The following DLG2 variants were observed in gnomAD, a reference collection of about 807,000 sequenced individuals.
The protein encoded by DLG2 is discs large MAGUK scaffold protein 2.
A neutral mutation model predicts 132.5 loss-of-function variants in DLG2; 45 were observed. The ratio of observed to expected loss-of-function variants is 0.34; its 90% CI spans 0.27 to 0.44. The LOEUF (loss-of-function observed/expected upper bound fraction) is 0.44. DLG2 is among the 20% of genes least tolerant of loss of function. The pLI is 1.00. For missense variants in DLG2, 1,045 were observed against 1,196.9 expected (o/e 0.87, Z 1.87); for synonymous variants, 424 against 419.6 (o/e 1.01, Z -0.13).
chr11:83,518,170 C>T (rs1251672004), intron 21 of DLG2, among the ~76,000 whole-genome samples: 1 of 152,228 alleles, frequency 6.6e-6, no homozygotes, highest in East Asian at 1.9e-4. Flanking sequence ...GGGCTCCACC[C>T]AGTTTGAGCT....
intron 6 of DLG2, among the ~76,000 whole-genome samples, chr11:84,880,737 T>A (rs911672224): frequency 1.3e-5 from 2 of 152,154 alleles, no homozygotes; most frequent in Non-Finnish European, 2.9e-5. Flanking sequence ...TTGTACATAA[T>A]AGTCAACTGT....
At chr11:84,835,316 C>G (rs1377525047) in intron 6 of DLG2, among the ~76,000 whole-genome samples, 1 of 151,548 alleles carries the variant, frequency 6.6e-6, no homozygotes, top group Non-Finnish European at 1.5e-5. Flanking sequence ...TGGAGGTAGA[C>G]AGACCTACAT....
At chr11:83,623,782 C>G (rs1256694389) in intron 19 of DLG2, among the ~76,000 whole-genome samples, 6 of 152,214 alleles carry the variant, frequency 3.9e-5, no homozygotes, top group Admixed American at 3.9e-4. Flanking sequence ...TTTCCTTGTT[C>G]CCTTGAAACT....
chr11:84,542,521 A>G (rs2154522458), intron 6 of DLG2, among the ~76,000 whole-genome samples: 1 of 152,308 alleles, frequency 6.6e-6, no homozygotes, highest in African/African-American at 2.4e-5. Flanking sequence ...TGGTCAGGCT[A>G]GAATGCTACA....
chr11:85,174,940 A>G (rs1400990764), intron 4 of DLG2, among the ~76,000 whole-genome samples: 1 of 152,122 alleles, frequency 6.6e-6, no homozygotes, highest in Admixed American at 6.5e-5. Context: ...CCCTGAATAG[A>G]CCAATAACAA....
chr11:85,453,254 T>C (rs2092311762), intron 3 of DLG2: 1 of 348,616 alleles, frequency 2.9e-6, no homozygotes, highest in Non-Finnish European at 5.2e-6. Context: ...TAAACACTTG[T>C]GTCAATAATC....
chr11:85,436,676 A>G (rs1336210245), intron 3 of DLG2, among the ~76,000 whole-genome samples: 1 of 152,208 alleles, frequency 6.6e-6, no homozygotes, highest in African/African-American at 2.4e-5. Flanking sequence ...AGGCTATGGA[A>G]AAACAGGAAT....
chr11:85,374,367 T>C (rs985833399), intron 3 of DLG2, among the ~76,000 whole-genome samples: 1 of 152,206 alleles, frequency 6.6e-6, no homozygotes, highest in African/African-American at 2.4e-5. Context: ...TTTGAATGGA[T>C]GTTGTTGAAT....
intron 6 of DLG2, among the ~76,000 whole-genome samples, chr11:84,971,476 C>T (rs959262289): frequency 2.6e-5 from 4 of 152,030 alleles, no homozygotes; most frequent in African/African-American, 7.2e-5. Flanking sequence ...TCTGGAGAAA[C>T]GAGAATTGTA....
rs144862801 is a variant in DLG2, at chr11:83,906,232, GTC to G, written c.1496+24094_1496+24095del. 1.2e-3 allele frequency among the ~76,000 whole-genome samples: 89 copies of G among 71,672 alleles called. 3 individuals carry two copies. The highest frequency in any genetic ancestry group is 8.8e-3 in the Middle Eastern group (1 of 114). The allele number at this position is 71,672 out of a possible 152,430, so 47.0% of individuals were successfully genotyped here. On this transcript the variant is annotated intron_variant, in intron 15 of 27. Transcript: ENST00000376104. ...TAACTGGAAGATTGCTATAGTAGAT[GTC>G]TCTCTCTCTCTCTCTCTCTCTCTCA...
At chr11:84,269,639 T>A (rs2097693793) in intron 7 of DLG2, among the ~76,000 whole-genome samples, 1 of 152,362 alleles carries the variant, frequency 6.6e-6, no homozygotes, top group East Asian at 1.9e-4. Context: ...CAATGCTTAA[T>A]AAGCCGCATA....
At chr11:83,739,752 A>C (rs552768879) in intron 18 of DLG2, among the ~76,000 whole-genome samples, 7 of 152,316 alleles carry the variant, frequency 4.6e-5, no homozygotes, top group African/African-American at 1.7e-4. Flanking sequence ...GAAGACTGAA[A>C]GGTAGACAGA....
In DLG2 at chr11:83,513,398, G is replaced by T. The variant is rs183212326; in HGVS notation, c.2193+19310C>A. On this transcript the variant is annotated intron_variant, in intron 21 of 27. Coordinates refer to ENST00000376104, the MANE Select transcript of DLG2 (RefSeq NM_001142699.3). ...TTGTTTGTTTTATTCTTGTAAATTTGTTGGAGTTCATTGTAGATTCTGGAT... is the reference window on the plus strand; with the variant it reads ...TTGTTTGTTTTATTCTTGTAAATTTTTTGGAGTTCATTGTAGATTCTGGAT... Among the ~76,000 whole-genome samples the T allele has an allele frequency of 7.9e-3, 1,209 of 152,254 alleles. 4 individuals are homozygous for T. The highest frequency in any genetic ancestry group is 0.013 in the Non-Finnish European group (854 of 68,008).
intron 9 of DLG2, among the ~76,000 whole-genome samples, chr11:84,122,379 T>A (rs1392985376): frequency 1.3e-5 from 2 of 152,190 alleles, no homozygotes; most frequent in Non-Finnish European, 2.9e-5. Context: ...CTCAGTGCTT[T>A]CAGAGAACAC....
At position 84,139,089 on chromosome 11, in the gene DLG2, CAAG is replaced by C. The variant is rs1273574644; in HGVS notation, c.624+24369_624+24371del. The stretch of plus-strand genomic sequence containing the variant: ...TGTATCATGGAATAGTTACATAGAA[CAAG>C]AAGAGTCAAGTCTAGTTGACATTTT... On this transcript the variant is annotated intron_variant, in intron 9 of 27. Coordinates refer to ENST00000376104, the MANE Select transcript of DLG2 (RefSeq NM_001142699.3). Among the ~76,000 whole-genome samples the C allele has an allele frequency of 2.0e-5, 3 of 151,792 alleles. No homozygotes were observed. In the East Asian group the frequency reaches 5.8e-4, roughly 29 times the overall value.
chr11:84,336,324 C>T (rs2098484464), intron 7 of DLG2, among the ~76,000 whole-genome samples: 1 of 152,222 alleles, frequency 6.6e-6, no homozygotes, highest in South Asian at 2.1e-4. Flanking sequence ...TCATCTCTCC[C>T]TGTTCCCCAA....
chr11:83,657,740 CCG>C (rs1341146629), intron 18 of DLG2, among the ~76,000 whole-genome samples: 1 of 151,984 alleles, frequency 6.6e-6, no homozygotes, highest in African/African-American at 2.4e-5. Flanking sequence ...CGGGGTTTCA[CCG>C]CATTAGCCAG....
At chr11:84,810,372 C>G (rs1484930579) in intron 6 of DLG2, among the ~76,000 whole-genome samples, 2 of 152,022 alleles carry the variant, frequency 1.3e-5, no homozygotes, top group Admixed American at 1.3e-4. Context: ...TATCTTCTAC[C>G]TGATTTCAAG....
At chr11:83,616,301 C>A (rs1313532776) in intron 19 of DLG2, among the ~76,000 whole-genome samples, 1 of 152,108 alleles carries the variant, frequency 6.6e-6, no homozygotes, top group Non-Finnish European at 1.5e-5. Flanking sequence ...CTGATAGATA[C>A]TGACAAAAAA....
Sources: allele counts gnomAD v4.1 joint callset (sites outside exome capture counted in the v4.1 genomes callset), GRCh38; gene constraint gnomAD v4.1.1; transcripts MANE v1.5; gene names NCBI Gene and HGNC (gene_info 2026-07-23, HGNC 2026-07-21).